The following KCNH7 variants were observed in gnomAD, a reference collection of about 807,000 sequenced individuals.
The protein encoded by KCNH7 is potassium voltage-gated channel subfamily H member 7.
KCNH7 carries 49 observed loss-of-function variants against 120.8 expected under a neutral mutation model. The observed-to-expected ratio is 0.41, with a 90% confidence interval of 0.32 to 0.51. The LOEUF is 0.51. Ranked by LOEUF, KCNH7 falls within the 20% of genes least tolerant of loss-of-function variation. The pLI, the probability that KCNH7 is intolerant of heterozygous loss-of-function variation, is 0.38. For missense variants in KCNH7, 1,097 were observed against 1,446.6 expected, an observed-to-expected ratio of 0.76 and a Z score of 3.92; for synonymous variants, 547 against 516.1, an observed-to-expected ratio of 1.06 and a Z score of -0.81.
At chr2:162,554,050 C>A (rs1261347559) in intron 2 of KCNH7, among the ~76,000 whole-genome samples, 1 of 152,158 alleles carries the variant, frequency 6.6e-6, no homozygotes, top group South Asian at 2.1e-4. Flanking sequence ...GTTGCTCATG[C>A]AACAGTAGCA....
chr2:162,811,581 C>T (rs1227369386), intron 2 of KCNH7, among the ~76,000 whole-genome samples: 1 of 152,078 alleles, frequency 6.6e-6, no homozygotes, highest in Middle Eastern at 3.4e-3. Flanking sequence ...TTTGTTTCGT[C>T]ACATAAATCT....
chr2:162,834,091 T>C (rs62171445), intron 2 of KCNH7, among the ~76,000 whole-genome samples: 10,812 of 152,148 alleles, frequency 0.071, 417 homozygotes, highest in South Asian at 0.11. Context: ...ATTTTCCTCC[T>C]TCCAGCTTTT....
intron 2 of KCNH7, chr2:162,771,894 G>C (rs1683067548): frequency 6.6e-6 from 1 of 152,140 alleles, no homozygotes; most frequent in Non-Finnish European, 1.5e-5. Context: ...AAAAAGAAAT[G>C]TGCGTGAAAG....
chr2:162,694,361 C>T (rs933992623), intron 2 of KCNH7, among the ~76,000 whole-genome samples: 17 of 152,150 alleles, frequency 1.1e-4, no homozygotes, highest in African/African-American at 4.1e-4. Flanking sequence ...TCTACCCTAA[C>T]AGCTCAGCTT....
chr2:162,762,507 T>C (rs887837915), intron 2 of KCNH7, among the ~76,000 whole-genome samples: 42 of 151,968 alleles, frequency 2.8e-4, no homozygotes, highest in East Asian at 3.9e-4. Context: ...AGATGTGAAA[T>C]TGATAAAGAC....
At chr2:162,823,773 A>C (rs1297778704) in intron 2 of KCNH7, among the ~76,000 whole-genome samples, 1 of 152,112 alleles carries the variant, frequency 6.6e-6, no homozygotes, top group African/African-American at 2.4e-5. Flanking sequence ...CATCCAACTA[A>C]AGTGGTTAAA....
At chr2:162,442,982 T>C (rs1688473528) in intron 7 of KCNH7, among the ~76,000 whole-genome samples, 1 of 152,228 alleles carries the variant, frequency 6.6e-6, no homozygotes, top group African/African-American at 2.4e-5. Flanking sequence ...AATATTCATC[T>C]ATGAACATAT....
At chr2:162,494,564 G>A (rs944978854) in intron 6 of KCNH7, among the ~76,000 whole-genome samples, 2 of 152,078 alleles carry the variant, frequency 1.3e-5, no homozygotes, top group African/African-American at 4.8e-5. Flanking sequence ...TAATGTCTGA[G>A]TACATGCTAT....
At chr2:162,562,666 G>C (rs1693115477) in intron 2 of KCNH7, among the ~76,000 whole-genome samples, 1 of 152,154 alleles carries the variant, frequency 6.6e-6, no homozygotes, top group Non-Finnish European at 1.5e-5. Flanking sequence ...TGAGGGTGTT[G>C]ACAGGAGGTA....
chr2:162,587,457 A>G (rs1270981519), intron 2 of KCNH7, among the ~76,000 whole-genome samples: 1 of 152,124 alleles, frequency 6.6e-6, no homozygotes, highest in Non-Finnish European at 1.5e-5. Context: ...TGTTGCAGAA[A>G]TTGCTGAGAT....
chr2:162,592,441 T>C (rs115713126), intron 2 of KCNH7, among the ~76,000 whole-genome samples: 13 of 152,182 alleles, frequency 8.5e-5, no homozygotes, highest in Non-Finnish European at 1.9e-4. Flanking sequence ...ACTTATTTTA[T>C]GAGGGCTTCC....
intron 7 of KCNH7, among the ~76,000 whole-genome samples, chr2:162,441,454 T>A (rs753760828): frequency 6.6e-6 from 1 of 152,120 alleles, no homozygotes; most frequent in Admixed American, 6.6e-5. Context: ...CAGTAGTTAC[T>A]TAGGTTTCAA....
At chr2:162,701,878 A>G (rs1450306730) in intron 2 of KCNH7, among the ~76,000 whole-genome samples, 1 of 151,936 alleles carries the variant, frequency 6.6e-6, no homozygotes, top group Non-Finnish European at 1.5e-5. Context: ...ATGGTGGTAC[A>G]TGCCTGTAGT....
intron 10 of KCNH7, among the ~76,000 whole-genome samples, chr2:162,397,979 T>G (rs1487569578): frequency 6.6e-6 from 1 of 151,842 alleles, no homozygotes; most frequent in Non-Finnish European, 1.5e-5. Flanking sequence ...ATACTGTGTA[T>G]CTAAGTATCT....
In KCNH7 at chr2:162,570,665, G is replaced by C. The variant is rs1481435120; in HGVS notation, c.308-33585C>G. 8.5e-5 allele frequency among the ~76,000 whole-genome samples: 13 copies of C among 152,122 alleles called. No individual in the cohort carries two copies. The South Asian group carries it at 1.0e-3, about 12-fold the overall frequency. On this transcript the variant is annotated intron_variant, in intron 2 of 15. Coordinates refer to ENST00000332142, the MANE Select transcript of KCNH7 (RefSeq NM_033272.4). Reference sequence around the variant, plus strand: ...TTTTGGCATGATTTTGCAGCGGCTGGTATCGGTTGTTCCTTTCCATGTTTA... The same window carrying C: ...TTTTGGCATGATTTTGCAGCGGCTGCTATCGGTTGTTCCTTTCCATGTTTA...
intron 2 of KCNH7, among the ~76,000 whole-genome samples, chr2:162,689,493 A>G (rs1410987677): frequency 6.6e-6 from 1 of 152,118 alleles, no homozygotes; most frequent in Non-Finnish European, 1.5e-5. Context: ...CTCATTCAGT[A>G]GCACAGGAAT....
chr2:162,484,532 T>G (rs1041012635), intron 6 of KCNH7, among the ~76,000 whole-genome samples: 2 of 152,170 alleles, frequency 1.3e-5, no homozygotes, highest in African/African-American at 4.8e-5. Flanking sequence ...TCAGGATGCA[T>G]CCTAACTTAT....
intron 9 of KCNH7, among the ~76,000 whole-genome samples, chr2:162,401,267 A>G (rs1687057099): frequency 6.6e-6 from 1 of 151,950 alleles, no homozygotes; most frequent in Non-Finnish European, 1.5e-5. Context: ...TCAATATACA[A>G]TGATTCAAAG....
intron 11 of KCNH7, among the ~76,000 whole-genome samples, chr2:162,395,773 G>C (rs1056303754): frequency 6.6e-6 from 1 of 151,514 alleles, no homozygotes; most frequent in Non-Finnish European, 1.5e-5. Context: ...GCATCTAGGG[G>C]CCCTTAAAAT....
Sources: gnomAD v4.1 joint callset for allele counts (sites outside exome capture counted in the v4.1 genomes callset) on GRCh38, gnomAD v4.1.1 for gene constraint, MANE v1.5 for transcripts, NCBI Gene and HGNC (gene_info 2026-07-23, HGNC 2026-07-21) for gene names.